Variants in CSRNP3 observed in about 807,000 individuals in gnomAD.
The protein encoded by CSRNP3 is cysteine/serine-rich nuclear protein 3.
Under a neutral mutation model 48.0 loss-of-function variants are expected in CSRNP3, and 12 were observed. That is an observed-to-expected ratio of 0.25 (90% CI 0.16 to 0.41). CSRNP3 has a LOEUF of 0.41. Among genes scored for constraint, CSRNP3 ranks in the 10% least tolerant of loss-of-function variants. The pLI is 1.00. For missense variants in CSRNP3, 580 were observed against 724.4 expected, an observed-to-expected ratio of 0.80 and a Z score of 2.29; for synonymous variants, 263 against 269.7, an observed-to-expected ratio of 0.98 and a Z score of 0.24.
chr2:165,540,633 A>T (rs1380014999), intron 3 of CSRNP3, among the ~76,000 whole-genome samples: 1 of 147,264 alleles, frequency 6.8e-6, no homozygotes, highest in Non-Finnish European at 1.5e-5. Flanking sequence ...AACACACCAC[A>T]TTGATCTTTC....
intron 4 of CSRNP3, among the ~76,000 whole-genome samples, chr2:165,617,714 G>A (rs1182683215): frequency 1.3e-5 from 2 of 152,338 alleles, no homozygotes; most frequent in East Asian, 1.9e-4. Flanking sequence ...AACTGGAGGG[G>A]ATGGTCATAG....
intron 3 of CSRNP3, among the ~76,000 whole-genome samples, chr2:165,526,143 A>G (rs1372926248): frequency 6.6e-6 from 1 of 152,178 alleles, no homozygotes; most frequent in East Asian, 1.9e-4. Context: ...CAGTAGCTTT[A>G]CAGTAAGTCT....
At chr2:165,644,358 T>C (rs1238798348) in intron 4 of CSRNP3, among the ~76,000 whole-genome samples, 2 of 152,186 alleles carry the variant, frequency 1.3e-5, no homozygotes, top group African/African-American at 4.8e-5. Context: ...GAAAGACATG[T>C]TGAGCATGAG....
chr2:165,553,161 G>A (rs939599817), intron 3 of CSRNP3, among the ~76,000 whole-genome samples: 3 of 151,982 alleles, frequency 2.0e-5, no homozygotes, highest in Non-Finnish European at 4.4e-5. Flanking sequence ...TCAATCTCAA[G>A]CAGTCATTGT....
intron 3 of CSRNP3, among the ~76,000 whole-genome samples, chr2:165,544,794 T>C (rs1196672662): frequency 1.3e-5 from 2 of 152,082 alleles, no homozygotes; most frequent in Non-Finnish European, 2.9e-5. Flanking sequence ...CTGGAGAGAA[T>C]ATATAAGCTT....
At chr2:165,672,270 T>C (rs1028739682) in intron 5 of CSRNP3, among the ~76,000 whole-genome samples, 1 of 152,216 alleles carries the variant, frequency 6.6e-6, no homozygotes, top group Non-Finnish European at 1.5e-5. Context: ...TTTACTGTAT[T>C]AGTCTGTTCT....
At chr2:165,635,680 G>A (rs1686615479) in intron 4 of CSRNP3, among the ~76,000 whole-genome samples, 1 of 152,150 alleles carries the variant, frequency 6.6e-6, no homozygotes, top group Admixed American at 6.5e-5. Context: ...TTACCTGATG[G>A]TAAAACCAGT....
At chr2:165,621,180 G>A (rs1048242029) in intron 4 of CSRNP3, among the ~76,000 whole-genome samples, 2 of 152,006 alleles carry the variant, frequency 1.3e-5, no homozygotes, top group Admixed American at 1.3e-4. Context: ...GTGGGTCATT[G>A]TAGTCCCGGG....
At position 165,584,532 on chromosome 2, in the gene CSRNP3, A is replaced by C. The variant is rs535894728; in HGVS notation, c.-23-10511A>C. ...GATGTCACATAGTACTCAGCTTTGA[A>C]GAGATGGCCTTTTTCTTCTATCCCA... is the stretch of plus-strand genomic sequence containing the variant. On this transcript the variant is annotated intron_variant, in intron 3 of 6. Coordinates refer to ENST00000651982, the MANE Select transcript of CSRNP3 (RefSeq NM_001172173.2). 3.0e-4 allele frequency among the ~76,000 whole-genome samples: 45 copies of C among 152,342 alleles called. 1 individual carries two copies. Among genetic ancestry groups the C allele is most frequent in the African/African-American group, 1.0e-3 (43 of 41,584 alleles).
At chr2:165,573,743 A>G (rs937577656) in intron 3 of CSRNP3, among the ~76,000 whole-genome samples, 2 of 152,204 alleles carry the variant, frequency 1.3e-5, no homozygotes, top group Non-Finnish European at 1.5e-5. Context: ...GTATTTGTGT[A>G]GTGACTAATA....
rs752486938 is a variant in CSRNP3, at chr2:165,614,661, CT to C, written c.148+19453del. ...AAGGATTGTAAGATTTTATCAAATG[CT>C]TTTTCTACATCTATTAAGATAATAA... On this transcript the variant is annotated intron_variant, in intron 4 of 6. Coordinates refer to ENST00000651982, the MANE Select transcript of CSRNP3 (RefSeq NM_001172173.2). Among the ~76,000 whole-genome samples the C allele has an allele frequency of 2.6e-5, 4 of 152,056 alleles. 1 individual carries two copies. In the East Asian group the frequency reaches 7.7e-4, roughly 29 times the overall value.
At chr2:165,553,935 C>T (rs1339816036) in intron 3 of CSRNP3, among the ~76,000 whole-genome samples, 2 of 152,204 alleles carry the variant, frequency 1.3e-5, no homozygotes, top group Non-Finnish European at 2.9e-5. Flanking sequence ...TGCCCCATTT[C>T]TTACCCATCT....
chr2:165,538,378 C>T lies in CSRNP3; in HGVS notation c.-24+20417C>T, dbSNP rs148518910. 4.6e-3 allele frequency among the ~76,000 whole-genome samples: 701 copies of T among 151,916 alleles called. 3 individuals carry two copies. The highest frequency in any genetic ancestry group is 0.01 in the Admixed American group (157 of 15,220). On this transcript the variant is annotated intron_variant, in intron 3 of 6. Transcript: ENST00000651982. ...TGTGGGATTCTAATTTTCAGTGATA[C>T]CTTCGTGATTCTCACTAGCTTTCTC...
intron 3 of CSRNP3, among the ~76,000 whole-genome samples, chr2:165,574,822 T>A (rs1685422775): frequency 1.3e-5 from 2 of 152,138 alleles, no homozygotes; most frequent in Non-Finnish European, 2.9e-5. Context: ...TTGTGATGTA[T>A]CTGGTATTAA....
Position 165,678,982 on chromosome 2 carries a change from C to G in CSRNP3, c.987C>G (p.His329Gln). 6.2e-7 allele frequency: 1 copy of G among 1,613,918 alleles called. No individual in the cohort carries two copies. Among genetic ancestry groups the G allele is most frequent in the Non-Finnish European group, 8.5e-7 (1 of 1,179,970 alleles). Residue 329 changes from histidine to glutamine, a missense_variant, in exon 7 of 7, where the codon CAC (histidine) becomes CAG (glutamine). Physicochemically the swap from His to Gln is conservative, Grantham distance 24 (BLOSUM62 0). This residue lies in a region of CSRNP3 where 369 missense variants were observed against 380.8 expected (regional missense o/e 0.97). Transcript: ENST00000651982. Reference protein sequence around the residue: ...IETEPQAAVLHLQSAEELDCQ... With the variant: ...IETEPQAAVLQLQSAEELDCQ... ...CTGAGCCCCAGGCTGCAGTGCTGCA[C>G]CTGCAGTCGGCTGAAGAATTAGATT...
chr2:165,624,267 C>T (rs1232116692), intron 4 of CSRNP3, among the ~76,000 whole-genome samples: 1 of 152,120 alleles, frequency 6.6e-6, no homozygotes, highest in Non-Finnish European at 1.5e-5. Context: ...GTAAAATAGA[C>T]TCAGACTTTA....
intron 3 of CSRNP3, among the ~76,000 whole-genome samples, chr2:165,520,783 TTATATATATATATATATATATATATATA>T (rs869287628): frequency 1.0e-4 from 3 of 29,730 alleles, no homozygotes; most frequent in East Asian, 2.8e-3. Context: ...TATATATATA[TTATATATATATATATATATATATATATA>T]TATATATATA....
chr2:165,588,108 C>A (rs1489163793), intron 3 of CSRNP3, among the ~76,000 whole-genome samples: 2 of 151,808 alleles, frequency 1.3e-5, no homozygotes, highest in Admixed American at 6.6e-5. Context: ...ATAAATAATA[C>A]GGATTTAGAA....
chr2:165,636,791 A>AT (rs747336301), intron 4 of CSRNP3, among the ~76,000 whole-genome samples: 17 of 152,268 alleles, frequency 1.1e-4, no homozygotes, highest in Admixed American at 2.0e-4. Context: ...CAATTTTATT[A>AT]TTTTTTAAAT....
Sources: gnomAD v4.1 joint callset for allele counts (sites outside exome capture counted in the v4.1 genomes callset) on GRCh38, gnomAD v4.1.1 for gene constraint, gnomAD v4.1.1 regional missense constraint, MANE v1.5 for transcripts, NCBI Gene and HGNC (gene_info 2026-07-23, HGNC 2026-07-21) for gene names.